Variants in SUPT5H observed in about 807,000 individuals in gnomAD.
SUPT5H encodes transcription elongation factor SPT5.
In SUPT5H, 24 loss-of-function variants were observed where a neutral mutation model predicts 142.5. The observed-to-expected ratio is 0.17, with a 90% CI of 0.12 to 0.24. The LOEUF is 0.24. Ranked by LOEUF, SUPT5H falls within the 10% of genes least tolerant of loss-of-function variation. SUPT5H has a pLI of 1.00. For synonymous variants in SUPT5H, 546 were observed against 553.0 expected (o/e 0.99, Z 0.18); for missense variants, 893 against 1,471.8 (o/e 0.61, Z 6.43).
Position 39,464,963 on chromosome 19 carries a change from C to G in SUPT5H, c.790C>G (p.Leu264Val), listed in dbSNP as rs1342428147. Residue 264 changes from leucine (L) to valine (V), a missense_variant, in exon 11 of 30, where the codon CTC becomes GTC. Physicochemically the swap from Leu to Val is conservative, Grantham distance 32 (BLOSUM62 1). Transcript: ENST00000432763. ...MVPIKEMTDV[L>V]KVVKEVANLK... The stretch of plus-strand genomic sequence containing the variant: ...GCCCATCAAGGAGATGACAGACGTG[C>G]TCAAAGTGGTGAAGGAGGTGGCCAA... 1 of 1,614,120 alleles carries G rather than the reference C, an allele frequency of 6.2e-7. No individual in the cohort carries two copies. Among genetic ancestry groups the G allele is most frequent in the Non-Finnish European group, 8.5e-7 (1 of 1,180,048 alleles).
chr19:39,474,083 C>T lies in SUPT5H; in HGVS notation c.2613C>T (p.Asn871=). 6.2e-7 allele frequency: 1 copy of T among 1,606,184 alleles called. No individual in the cohort carries two copies. Among genetic ancestry groups the T allele is most frequent in the Non-Finnish European group, 8.5e-7 (1 of 1,175,356 alleles). Residue 871 remains asparagine, a synonymous_variant, in exon 26 of 30, where the codon AAC becomes AAT. Transcript: ENST00000432763. This position sits in a 1 kb window ranked among gnomAD's most constrained non-coding sequence, Gnocchi z 6.5. ...CAGACCCCTCGTCCCCACAGGTCAACCCACAATACAACCCGCAGACGCCAG... is the reference window on the plus strand; with the variant it reads ...CAGACCCCTCGTCCCCACAGGTCAATCCACAATACAACCCGCAGACGCCAG... ...GYPDPSSPQV[N]PQYNPQTPGT...
rs567525783 is a variant in SUPT5H, at chr19:39,476,545, C to T, written c.*146C>T. 11 of 1,096,358 alleles carry T rather than the reference C, an allele frequency of 1.0e-5. No homozygotes were observed. The South Asian group carries it at 1.1e-4, about 11-fold the overall frequency. 67.9% of individuals were successfully genotyped at this position (1,096,358 alleles called of 1,614,324 possible). A position where few individuals can be genotyped will look rare whatever the true frequency, so the allele number is the denominator to read the frequency against. ...TTTTCCTTTTAGTTTTCCATCTTTT[C>T]CCTCCCTGGTGCTCATTGGAATCTG... On this transcript the variant is annotated 3_prime_UTR_variant, in exon 30 of 30. Transcript: ENST00000432763.
At chr19:39,449,459 C>G (rs1169930689) in intron 2 of SUPT5H, among the ~76,000 whole-genome samples, 1 of 152,104 alleles carries the variant, frequency 6.6e-6, no homozygotes, top group Non-Finnish European at 1.5e-5. Context: ...CTGTGCTTGG[C>G]CTTGGGCTGG....
At chr19:39,452,132 G>T (rs2079029691) in intron 2 of SUPT5H, among the ~76,000 whole-genome samples, 1 of 152,178 alleles carries the variant, frequency 6.6e-6, no homozygotes, top group Admixed American at 6.5e-5. Flanking sequence ...TTTGGTGCCT[G>T]TCGGTAATTG....
chr19:39,471,683 A>G lies in SUPT5H; in HGVS notation c.1903A>G (p.Met635Val), dbSNP rs775521321. 2.5e-6 allele frequency: 4 copies of G among 1,614,178 alleles called. No individual in the cohort carries two copies. The highest frequency in any genetic ancestry group is 2.2e-5 in the East Asian group (1 of 44,876). The change falls in exon 20 of 30, where the codon ATG becomes GTG. Residue 635 changes from methionine to valine, a missense_variant. By Grantham distance (21) the Met-to-Val change is conservative. Around this residue, in one of 6 missense-constraint regions of SUPT5H, gnomAD observed 428 missense variants for 763.5 expected, o/e 0.56. Transcript: ENST00000432763. Reference protein sequence around the residue: ...HCKKLVENGGMFVCKTRHLVL... With the variant: ...HCKKLVENGGVFVCKTRHLVL... ...CAAGAAACTGGTGGAGAACGGGGGC[A>G]TGTTTGTCTGCAAGACCCGCCACCT... is the stretch of plus-strand genomic sequence containing the variant.
In SUPT5H at chr19:39,472,696, A is replaced by G; in HGVS notation, c.2036-114A>G. On this transcript the variant is annotated intron_variant, in intron 21 of 29. Coordinates refer to ENST00000432763, the MANE Select transcript of SUPT5H (RefSeq NM_001111020.3). The surrounding 1 kb of genome is among the most constrained non-coding windows in gnomAD (Gnocchi z 4.2). ...AAAGCCATGGGGCAGGGGTGGGCAG[A>G]GGAGGCTCTTAACCCAAGTAGGGAG... The G allele has an allele frequency of 2.0e-6, 3 of 1,472,172 alleles. No homozygotes were observed. The highest frequency in any genetic ancestry group is 2.7e-5 in the South Asian group (2 of 74,436). The allele number at this position is 1,472,172 out of a possible 1,614,324, so 91.2% of individuals were successfully genotyped here. A position where few individuals can be genotyped will look rare whatever the true frequency, so the allele number is the denominator to read the frequency against.
rs2079367125 is a variant in SUPT5H, at chr19:39,474,122, G to A, written c.2651+1G>A. 6.2e-7 allele frequency: 1 copy of A among 1,600,676 alleles called. No homozygotes were observed. Among genetic ancestry groups the A allele is most frequent in the Non-Finnish European group, 8.5e-7 (1 of 1,172,254 alleles). On this transcript the variant is annotated splice_donor_variant, in intron 26 of 29. Transcript: ENST00000432763. LOFTEE classifies it high-confidence loss of function. This position sits in a 1 kb window ranked among gnomAD's most constrained non-coding sequence, Gnocchi z 6.5. The stretch of plus-strand genomic sequence containing the variant: ...CGCAGACGCCAGGGACGCCGGCCAT[G>A]TGAGTCCACTGGGGCCTGCCCTCGT...
Position 39,469,141 on chromosome 19 carries a change from C to T in SUPT5H, c.1206C>T (p.Gly402=). 1 of 1,614,216 alleles carries T rather than the reference C, an allele frequency of 6.2e-7. No homozygotes were observed. The highest frequency in any genetic ancestry group is 8.5e-7 in the Non-Finnish European group (1 of 1,180,038). Residue 402 remains glycine, a synonymous_variant, in exon 15 of 30, where the codon GGC becomes GGT. Transcript: ENST00000432763. This position sits in a 1 kb window ranked among gnomAD's most constrained non-coding sequence, Gnocchi z 5.1. The part of the protein sequence containing the change: ...ELEKFEDQPE[G]IDLEVVTEST... The stretch of plus-strand genomic sequence containing the variant: ...AAAAGTTTGAGGACCAGCCAGAGGG[C>T]ATTGACCTGGAGGTGGTGACTGAGA...
intron 3 of SUPT5H, among the ~76,000 whole-genome samples, chr19:39,456,462 A>C (rs1010171445): frequency 6.7e-6 from 1 of 149,876 alleles, no homozygotes. Flanking sequence ...TCTGTTGCCC[A>C]GGCTGGAGTG....
In SUPT5H at chr19:39,458,125, G is replaced by A; in HGVS notation, c.308-169G>A. ...GCTTCTCCCCAACCACCTGGTGCCT[G>A]GCCTTTACTTTTGGTTTTCAACCTT... On this transcript the variant is annotated intron_variant, in intron 4 of 29. Transcript: ENST00000432763. The surrounding 1 kb of genome is among the most constrained non-coding windows in gnomAD (Gnocchi z 4.2). 5 of 1,178,688 alleles carry A rather than the reference G, an allele frequency of 4.2e-6. No individual in the cohort carries two copies. Among genetic ancestry groups the A allele is most frequent in the Non-Finnish European group, 4.7e-6 (4 of 855,444 alleles). 73.0% of individuals were successfully genotyped at this position (1,178,688 alleles called of 1,614,324 possible).
At chr19:39,459,710 TC>T in intron 9 of SUPT5H, 121 bp downstream of exon 9, 1 of 1,378,170 alleles carries the variant, frequency 7.3e-7, no homozygotes, top group Non-Finnish European at 1.0e-6. Flanking sequence ...TCCTTCTGTC[TC>T]CATCCCTCAC....
chr19:39,474,817 G>C lies in SUPT5H; in HGVS notation c.3024+99G>C. ...CCCCAGATGGTGACAGCCCAGAGTG[G>C]GCAGAGCTGGGATTGAGGAAGCCTA... On this transcript the variant is annotated intron_variant, in intron 28 of 29. Transcript: ENST00000432763. The surrounding 1 kb of genome is among the most constrained non-coding windows in gnomAD (Gnocchi z 6.5). 1 of 1,345,436 alleles carries C rather than the reference G, an allele frequency of 7.4e-7. No individual in the cohort carries two copies. 83.3% of individuals were successfully genotyped at this position (1,345,436 alleles called of 1,614,324 possible).
chr19:39,472,769 C>G lies in SUPT5H; in HGVS notation c.2036-41C>G. The G allele has an allele frequency of 6.3e-7, 1 of 1,587,798 alleles. No homozygotes were observed. Among genetic ancestry groups the G allele is most frequent in the African/African-American group, 1.3e-5 (1 of 74,688 alleles). ...GTTCTGATGGTGCCCTTGCTGTGGGCACAGCCGTGGGGGACCAGTGACATT... is the reference window on the plus strand; with the variant it reads ...GTTCTGATGGTGCCCTTGCTGTGGGGACAGCCGTGGGGGACCAGTGACATT... On this transcript the variant is annotated intron_variant, in intron 21 of 29. Transcript: ENST00000432763. This position sits in a 1 kb window ranked among gnomAD's most constrained non-coding sequence, Gnocchi z 4.2.
chr19:39,473,597 AG>A lies in SUPT5H; in HGVS notation c.2492+80del. Reference sequence around the variant, plus strand: ...TGATGCTGGGTGTCTGGGGCATTGGAGGGGTTTGTGGGGCCCACCCAGCATT... The same window carrying A: ...TGATGCTGGGTGTCTGGGGCATTGGAGGGTTTGTGGGGCCCACCCAGCATT... On this transcript the variant is annotated intron_variant, in intron 25 of 29. Transcript: ENST00000432763. This position sits in a 1 kb window ranked among gnomAD's most constrained non-coding sequence, Gnocchi z 5.8. The A allele has an allele frequency of 6.7e-7, 1 of 1,482,430 alleles. No homozygotes were observed. The highest frequency in any genetic ancestry group is 9.1e-7 in the Non-Finnish European group (1 of 1,096,366). 91.8% of individuals were successfully genotyped at this position (1,482,430 alleles called of 1,614,324 possible).
At position 39,470,409 on chromosome 19, in the gene SUPT5H, C is replaced by T. The variant is rs2079303257; in HGVS notation, c.1563C>T (p.Cys521=). Residue 521 remains cysteine, a synonymous_variant, in exon 18 of 30, where the codon TGC becomes TGT. Transcript: ENST00000432763. The surrounding 1 kb of genome is among the most constrained non-coding windows in gnomAD (Gnocchi z 5.8). Reference sequence around the variant, plus strand: ...TGCTCCCCCGGGACCTGCAGCTCTGCTCAGAGACAGCATCAGGTGTGGATG... The same window carrying T: ...TGCTCCCCCGGGACCTGCAGCTCTGTTCAGAGACAGCATCAGGTGTGGATG... ...LKVLPRDLQL[C]SETASGVDVG... 1 of 1,602,156 alleles carries T rather than the reference C, an allele frequency of 6.2e-7. No homozygotes were observed. The highest frequency in any genetic ancestry group is 8.5e-7 in the Non-Finnish European group (1 of 1,172,892).
chr19:39,451,283 G>A (rs1209464711), intron 2 of SUPT5H, among the ~76,000 whole-genome samples: 2 of 147,584 alleles, frequency 1.4e-5, no homozygotes, highest in African/African-American at 5.1e-5. Context: ...GTGCCTCCCA[G>A]GTTCAAACAA....
chr19:39,460,543 G>A lies in SUPT5H; in HGVS notation c.624+583G>A, dbSNP rs1245866518. 2.6e-5 allele frequency among the ~76,000 whole-genome samples: 4 copies of A among 152,170 alleles called. No homozygotes were observed. In the East Asian group the frequency reaches 7.7e-4, roughly 29 times the overall value. On this transcript the variant is annotated intron_variant, in intron 10 of 29. Coordinates refer to ENST00000432763, the MANE Select transcript of SUPT5H (RefSeq NM_001111020.3). ...ACTTGAGGTCAGGAGTTTGAGACCA[G>A]CCTGGCCAACGTGGTGAAACCCCGT...
rs770578742 is a variant in SUPT5H, at chr19:39,474,258, C to A, written c.2676C>A (p.Pro892=). The A allele has an allele frequency of 1.2e-6, 2 of 1,613,972 alleles. No individual in the cohort carries two copies. The highest frequency in any genetic ancestry group is 2.7e-5 in the African/African-American group (2 of 74,890). The change falls in exon 27 of 30, where the codon CCC becomes CCA. Residue 892 remains proline (P), a synonymous_variant. Coordinates refer to ENST00000432763, the MANE Select transcript of SUPT5H (RefSeq NM_001111020.3). The surrounding 1 kb of genome is among the most constrained non-coding windows in gnomAD (Gnocchi z 6.5). The part of the protein sequence containing the change: ...PAMYNTDQFS[P]YAAPSPQGSY... The stretch of plus-strand genomic sequence containing the variant: ...GGTACAACACAGACCAGTTCTCTCC[C>A]TATGCTGCCCCCTCCCCACAAGGTT...
At position 39,469,008 on chromosome 19, in the gene SUPT5H, G is replaced by A; in HGVS notation, c.1144-71G>A. On this transcript the variant is annotated intron_variant, in intron 14 of 29. Transcript: ENST00000432763. This position sits in a 1 kb window ranked among gnomAD's most constrained non-coding sequence, Gnocchi z 5.1. ...GAATTATTCCCCTAGGACCCACTCA[G>A]CCCACTCAGCTGGGCTGTTGCACTG... 6.3e-7 allele frequency: 1 copy of A among 1,590,506 alleles called. No homozygotes were observed. Among genetic ancestry groups the A allele is most frequent in the Non-Finnish European group, 8.6e-7 (1 of 1,160,842 alleles).
Sources: gnomAD v4.1 joint callset for allele counts (sites outside exome capture counted in the v4.1 genomes callset) on GRCh38, gnomAD v4.1.1 for gene constraint, gnomAD v4.1.1 regional missense constraint, Gnocchi (gnomAD v3.1) non-coding constraint, MANE v1.5 for transcripts, NCBI Gene and HGNC (gene_info 2026-07-23, HGNC 2026-07-21) for gene names.